FAM178B: variants seen among roughly 807,000 people sequenced by gnomAD.
FAM178B encodes the protein protein FAM178B.
A neutral mutation model predicts 91.7 loss-of-function variants in FAM178B; 82 were observed. The observed-to-expected ratio is 0.89, with a 90% CI of 0.75 to 1.07. The LOEUF (loss-of-function observed/expected upper bound fraction) is 1.07. Ranked by LOEUF, FAM178B falls within the 50% of genes least tolerant of loss-of-function variation. The pLI, the probability that FAM178B is intolerant of heterozygous loss-of-function variation, is 0.00. For missense variants in FAM178B, 769 were observed against 846.7 expected (o/e 0.91, Z 1.14); for synonymous variants, 368 against 359.4 (o/e 1.02, Z -0.27).
At chr2:96,940,436 C>A (rs974979601) in intron 8 of FAM178B, among the ~76,000 whole-genome samples, 3 of 152,096 alleles carry the variant, frequency 2.0e-5, no homozygotes, top group Non-Finnish European at 4.4e-5. Context: ...TCGGGTGGGG[C>A]GAGGACATCT....
chr2:96,936,362 C>G (rs1253359957), intron 8 of FAM178B, among the ~76,000 whole-genome samples: 4 of 107,362 alleles, frequency 3.7e-5, no homozygotes, highest in Admixed American at 8.7e-5. Context: ...CCACCACGCC[C>G]GGCTAAGTTT....
intron 13 of FAM178B, among the ~76,000 whole-genome samples, chr2:96,900,314 C>A (rs114707893): frequency 6.6e-6 from 1 of 152,084 alleles, no homozygotes; most frequent in Non-Finnish European, 1.5e-5. Flanking sequence ...ACCTCAGCAC[C>A]GGTCACCTCC....
intron 14 of FAM178B, among the ~76,000 whole-genome samples, chr2:96,882,446 G>T (rs1264436471): frequency 6.6e-6 from 1 of 152,234 alleles, no homozygotes; most frequent in Non-Finnish European, 1.5e-5. Flanking sequence ...CGAGTGAGGG[G>T]GCCCTTCCCA....
rs141769063 is a variant in FAM178B at position 96,888,343 on chromosome 2, C to T, written c.1776+5583G>A. Among the ~76,000 whole-genome samples, 1,023 of 152,348 alleles carry T rather than the reference C, an allele frequency of 6.7e-3. 7 individuals are homozygous for T. The highest frequency in any genetic ancestry group is 0.023 in the African/African-American group (951 of 41,576). ...CTTGGCCTGACCAAGGTCCCCAGCCCAGTGGGGCAGTAAGGAAGAGACAGA... is the reference window on the plus strand; with the variant it reads ...CTTGGCCTGACCAAGGTCCCCAGCCTAGTGGGGCAGTAAGGAAGAGACAGA... On this transcript the variant is annotated intron_variant, in intron 14 of 16. Transcript: ENST00000490605.
At position 96,944,918 on chromosome 2, in the gene FAM178B, A is replaced by C. The variant is rs1447546448; in HGVS notation, c.1078+2900T>G. ...TGGCTCAACTGTCTCATCTTCTACA[A>C]AGCACTTCCTGGTTCCTGCCTCCCC... On this transcript the variant is annotated intron_variant, in intron 8 of 16. Coordinates refer to ENST00000490605, the MANE Select transcript of FAM178B (RefSeq NM_001122646.3). Among the ~76,000 whole-genome samples the C allele has an allele frequency of 3.3e-5, 5 of 152,030 alleles. No homozygotes were observed. The East Asian group carries it at 9.7e-4, about 30-fold the overall frequency.
intron 7 of FAM178B, among the ~76,000 whole-genome samples, chr2:96,949,162 A>G (rs892451044): frequency 6.6e-6 from 1 of 152,182 alleles, no homozygotes; most frequent in Non-Finnish European, 1.5e-5. Context: ...GTGCCCATGC[A>G]CACCCTATTA....
At chr2:96,953,890 G>A (rs1456502758) in intron 6 of FAM178B, among the ~76,000 whole-genome samples, 1 of 152,206 alleles carries the variant, frequency 6.6e-6, no homozygotes, top group Non-Finnish European at 1.5e-5. Context: ...TAACTCTGGG[G>A]AAAGGAGGAG....
chr2:96,980,165 T>C (rs925955392), intron 1 of FAM178B, among the ~76,000 whole-genome samples: 4 of 151,896 alleles, frequency 2.6e-5, no homozygotes, highest in Admixed American at 2.6e-4. Context: ...AACCTCCGCC[T>C]CCCCGTTTTA....
intron 5 of FAM178B, among the ~76,000 whole-genome samples, chr2:96,960,977 C>T: frequency 6.6e-6 from 1 of 152,176 alleles, no homozygotes; most frequent in Middle Eastern, 3.4e-3. Flanking sequence ...TATGAAGGAG[C>T]CTGATTCTCT....
intron 9 of FAM178B, among the ~76,000 whole-genome samples, chr2:96,928,880 T>A (rs1050726064): frequency 6.6e-5 from 10 of 151,990 alleles, no homozygotes; most frequent in Admixed American, 2.6e-4. Context: ...GGGCATGGGG[T>A]GGCTCATACC....
chr2:96,903,753 G>C (rs1232848111), intron 12 of FAM178B, among the ~76,000 whole-genome samples: 1 of 152,196 alleles, frequency 6.6e-6, no homozygotes, highest in African/African-American at 2.4e-5. Flanking sequence ...TCTCACCCCA[G>C]CCTTGCATGC....
At position 96,923,538 on chromosome 2, in the gene FAM178B, G is replaced by A. The variant is rs1357321249; in HGVS notation, c.1239C>T (p.Asp413=). The A allele has an allele frequency of 4.9e-5, 76 of 1,551,662 alleles. 1 individual carries two copies. The highest frequency in any genetic ancestry group is 2.4e-4 in the East Asian group (10 of 40,922). The change falls in exon 10 of 17, where the codon GAC becomes GAT. Residue 413 remains aspartate (D), a synonymous_variant. Coordinates refer to ENST00000490605, the MANE Select transcript of FAM178B (RefSeq NM_001122646.3). ...TGTCCAAGGCAATCTCTTGGGGAGC[G>A]TCCTGCTCCTCATTCTCATTCAGGC... ...EAGLNENEEQ[D]APQEIALDIS...
chr2:96,953,468 G>A (rs938930259), intron 6 of FAM178B, among the ~76,000 whole-genome samples: 2 of 152,164 alleles, frequency 1.3e-5, no homozygotes, highest in Non-Finnish European at 2.9e-5. Context: ...GATTGTACAA[G>A]GCCCTGTTGG....
chr2:96,920,604 A>G (rs1242272806), intron 12 of FAM178B, among the ~76,000 whole-genome samples: 1 of 152,100 alleles, frequency 6.6e-6, no homozygotes, highest in Non-Finnish European at 1.5e-5. Context: ...TGTCTCAAGA[A>G]GAAGAAAAAA....
chr2:96,954,598 GC>G (rs1343530329), intron 6 of FAM178B, among the ~76,000 whole-genome samples: 1 of 152,244 alleles, frequency 6.6e-6, no homozygotes, highest in African/African-American at 2.4e-5. Context: ...CCAAGTGATG[GC>G]CGAAGGATAA....
intron 14 of FAM178B, among the ~76,000 whole-genome samples, chr2:96,893,091 C>A (rs2080721806): frequency 6.6e-6 from 1 of 152,164 alleles, no homozygotes; most frequent in Non-Finnish European, 1.5e-5. Context: ...CAGAGTGATG[C>A]CCAAAGGTTG....
At chr2:96,960,227 C>A in intron 6 of FAM178B, 61 bp downstream of exon 6, 1 of 1,533,602 alleles carries the variant, frequency 6.5e-7, no homozygotes, top group African/African-American at 1.4e-5. Flanking sequence ...TCCCTGGACT[C>A]CAGGAGGGAG....
intron 9 of FAM178B, among the ~76,000 whole-genome samples, chr2:96,923,978 C>G (rs2081390815): frequency 6.6e-6 from 1 of 152,248 alleles, no homozygotes; most frequent in Non-Finnish European, 1.5e-5. Flanking sequence ...ATGCCCAAGA[C>G]AGAGCCACAA....
chr2:96,877,273 T>C (rs1481202268), intron 16 of FAM178B, among the ~76,000 whole-genome samples: 1 of 152,178 alleles, frequency 6.6e-6, no homozygotes, highest in Non-Finnish European at 1.5e-5. Context: ...GGCCCCTTCC[T>C]GGCACTGCTC....
Sources: allele counts gnomAD v4.1 joint callset (sites outside exome capture counted in the v4.1 genomes callset), GRCh38; gene constraint gnomAD v4.1.1; transcripts MANE v1.5; gene names NCBI Gene and HGNC (gene_info 2026-07-23, HGNC 2026-07-21).